The following SUCO variants were observed in gnomAD, a reference collection of about 807,000 sequenced individuals.
SUCO encodes the protein SUN domain-containing ossification factor.
SUCO carries 57 observed loss-of-function variants against 148.1 expected under a neutral mutation model. The observed-to-expected ratio is 0.38, with a 90% CI of 0.31 to 0.48. The LOEUF (loss-of-function observed/expected upper bound fraction) is 0.48. Among genes scored for constraint, SUCO ranks in the 20% least tolerant of loss-of-function variants. The pLI, the probability that SUCO is intolerant of heterozygous loss-of-function variation, is 0.96. For missense variants in SUCO, 1,331 were observed against 1,468.2 expected (o/e 0.91, Z 1.53); for synonymous variants, 470 against 502.7 (o/e 0.93, Z 0.87).
chr1:172,590,846 T>C (rs1656599671), intron 18 of SUCO, 138 bp from the exon 19 acceptor site: 1 of 563,036 alleles, frequency 1.8e-6, no homozygotes, highest in East Asian at 3.1e-5. Flanking sequence ...TAAATAGAAT[T>C]GTATTGCATA....
At chr1:172,560,143 C>T (rs529768145) in intron 6 of SUCO, among the ~76,000 whole-genome samples, 1 of 152,266 alleles carries the variant, frequency 6.6e-6, no homozygotes, top group Non-Finnish European at 1.5e-5. Context: ...TTATCTTTAC[C>T]TGGAACTGTT....
intron 9 of SUCO, among the ~76,000 whole-genome samples, chr1:172,571,346 C>T (rs1571230128): frequency 6.6e-6 from 1 of 152,230 alleles, no homozygotes; most frequent in South Asian, 2.1e-4. Flanking sequence ...CAGACGGAGT[C>T]TGGTTCACTC....
chr1:172,565,159 G>C (rs1431263416), intron 6 of SUCO, among the ~76,000 whole-genome samples: 1 of 152,128 alleles, frequency 6.6e-6, no homozygotes, highest in Non-Finnish European at 1.5e-5. Flanking sequence ...CCTAGGAAAG[G>C]GTTGCCAAAG....
rs754641840 is a variant in SUCO at position 172,602,850 on chromosome 1, TA to T, written c.3265+65del. ...ATGAAACTAGCTTCTGGCATAAATA[TA>T]ATGTCAGTGTTGTGTTCATGACCAT... is the stretch of plus-strand genomic sequence containing the variant. On this transcript the variant is annotated intron_variant, in intron 22 of 23. Coordinates refer to ENST00000263688, the MANE Select transcript of SUCO (RefSeq NM_014283.5). 1.4e-4 allele frequency: 190 copies of T among 1,377,992 alleles called. No homozygotes were observed. The South Asian group carries it at 2.2e-3, about 16-fold the overall frequency. The allele number at this position is 1,377,992 out of a possible 1,614,324, so 85.4% of individuals were successfully genotyped here.
At chr1:172,541,176 A>ACATAGTG (rs1237521845) in intron 1 of SUCO, among the ~76,000 whole-genome samples, 10 of 152,330 alleles carry the variant, frequency 6.6e-5, no homozygotes, top group South Asian at 4.1e-4. Context: ...CATAGCATTT[A>ACATAGTG]CATAGTGTTA....
At chr1:172,602,548 TC>T in intron 21 of SUCO, 147 bp from the exon 22 acceptor site, 1 of 1,429,828 alleles carries the variant, frequency 7.0e-7, no homozygotes. Context: ...AATTTTTTTT[TC>T]CACCTGTATT....
At chr1:172,550,622 C>T (rs1653221352) in intron 1 of SUCO, among the ~76,000 whole-genome samples, 1 of 151,886 alleles carries the variant, frequency 6.6e-6, no homozygotes, top group Admixed American at 6.6e-5. Flanking sequence ...TTTTGTAATG[C>T]TAATGAAAAT....
At chr1:172,566,673 G>A (rs979336900) in intron 6 of SUCO, among the ~76,000 whole-genome samples, 3 of 152,224 alleles carry the variant, frequency 2.0e-5, no homozygotes, top group Non-Finnish European at 4.4e-5. Flanking sequence ...TTAATTATAT[G>A]CAAATTAAGG....
At chr1:172,598,897 TA>T (rs1161314280) in intron 19 of SUCO, among the ~76,000 whole-genome samples, 2 of 152,166 alleles carry the variant, frequency 1.3e-5, no homozygotes, top group African/African-American at 2.4e-5. Flanking sequence ...TGGATCACAG[TA>T]AGGGAAGTAA....
Position 172,606,785 on chromosome 1 carries a change from C to T in SUCO, c.3266-1962C>T, listed in dbSNP as rs73034068. Among the ~76,000 whole-genome samples the T allele has an allele frequency of 6.2e-3, 935 of 151,820 alleles. 8 individuals carry two copies. Among genetic ancestry groups the T allele is most frequent in the African/African-American group, 0.02 (847 of 41,488 alleles). ...AAATTCTCAACCATTATTTTTTCCT[C>T]CCAGATATTCCCTGTGCCCCAGTCT... On this transcript the variant is annotated intron_variant, in intron 22 of 23. Transcript: ENST00000263688.
intron 1 of SUCO, among the ~76,000 whole-genome samples, chr1:172,545,969 T>G (rs1012457302): frequency 2.0e-5 from 3 of 151,836 alleles, no homozygotes; most frequent in African/African-American, 7.3e-5. Flanking sequence ...TCTTGCTCTG[T>G]CCCCCAGTCT....
At chr1:172,534,778 C>A (rs1003933491) in intron 1 of SUCO, among the ~76,000 whole-genome samples, 4 of 152,122 alleles carry the variant, frequency 2.6e-5, no homozygotes, top group Non-Finnish European at 4.4e-5. Context: ...AGCTTGTATT[C>A]ATTTCCATCT....
intron 22 of SUCO, among the ~76,000 whole-genome samples, chr1:172,606,096 C>T (rs1239410326): frequency 6.6e-6 from 1 of 151,202 alleles, no homozygotes; most frequent in Non-Finnish European, 1.5e-5. Flanking sequence ...ATTTTTAATA[C>T]CAGTTGCTCA....
chr1:172,562,532 A>G (rs147798645), intron 6 of SUCO, among the ~76,000 whole-genome samples: 1,734 of 152,194 alleles, frequency 0.011, 35 homozygotes, highest in African/African-American at 0.039. Flanking sequence ...GGGTTTCACC[A>G]TGTTGGCCAT....
chr1:172,586,260 G>C (rs185290744), intron 17 of SUCO, among the ~76,000 whole-genome samples: 5 of 152,164 alleles, frequency 3.3e-5, no homozygotes, highest in African/African-American at 1.2e-4. Context: ...TAGGCTTGAG[G>C]ACAAATTTTA....
At chr1:172,603,764 C>T (rs972756926) in intron 22 of SUCO, among the ~76,000 whole-genome samples, 3 of 152,028 alleles carry the variant, frequency 2.0e-5, no homozygotes, top group Admixed American at 2.0e-4. Flanking sequence ...CTTTTAGTCA[C>T]TGCCCATCCT....
chr1:172,540,966 G>A (rs1652408314), intron 1 of SUCO, among the ~76,000 whole-genome samples: 1 of 152,094 alleles, frequency 6.6e-6, no homozygotes. Context: ...CAAGAAAAGT[G>A]GTGTTGTGAG....
rs1360084530 is a variant in SUCO at position 172,610,181 on chromosome 1, C to T, written c.3687C>T (p.Ser1229=). 1 of 1,613,342 alleles carries T rather than the reference C, an allele frequency of 6.2e-7. No homozygotes were observed. The highest frequency in any genetic ancestry group is 1.1e-5 in the South Asian group (1 of 91,040). The change falls in exon 24 of 24, where the codon AGC becomes AGT. Residue 1229 remains serine, a synonymous_variant. Transcript: ENST00000263688. ...AGACTAAGTCGGGATCATTGCCGAG[C>T]CTGCATGACATAATCAAAGGAAACA... The part of the protein sequence containing the change: ...LIQTKSGSLP[S]LHDIIKGNKE...
intron 3 of SUCO, 99 bp from the exon 4 acceptor site, chr1:172,555,770 T>TCTAAACAATATAGATAACATTGTTTCAA: frequency 2.1e-6 from 2 of 961,454 alleles, no homozygotes; most frequent in South Asian, 5.1e-5. Context: ...TTGTTTATAT[T>TCTAAACAATATAGATAACATTGTTTCAA]GTCATTTTTC....
Sources: allele counts gnomAD v4.1 joint callset (sites outside exome capture counted in the v4.1 genomes callset), GRCh38; gene constraint gnomAD v4.1.1; transcripts MANE v1.5; gene names NCBI Gene and HGNC (gene_info 2026-07-23, HGNC 2026-07-21).